Variants in AK9 observed in about 807,000 individuals in gnomAD.
AK9 encodes the protein adenylate kinase 9, also known as adenylate kinase domain containing 1.
A neutral mutation model predicts 239.6 loss-of-function variants in AK9; 191 were observed. The observed-to-expected ratio is 0.80, with a 90% CI of 0.71 to 0.90. The LOEUF is 0.90. Among genes scored for constraint, AK9 ranks in the 40% least tolerant of loss-of-function variants. AK9 has a pLI of 0.00. For missense variants in AK9, 1,995 were observed against 2,214.7 expected (o/e 0.90, Z 1.99); for synonymous variants, 689 against 721.0 (o/e 0.96, Z 0.71).
intron 19 of AK9, 110 bp from the exon 20 acceptor site, chr6:109,579,736 T>C (rs1788580067): frequency 1.4e-5 from 13 of 917,458 alleles, no homozygotes; most frequent in South Asian, 8.9e-5. Flanking sequence ...CTTATTATAC[T>C]TACTTTACAA....
In AK9 at chr6:109,494,110, C is replaced by G. The variant is rs1161647129; in HGVS notation, c.5419-15G>C. 6.3e-7 allele frequency: 1 copy of G among 1,578,342 alleles called. No homozygotes were observed. On this transcript the variant is annotated splice_polypyrimidine_tract_variant and intron_variant, in intron 39 of 40. Coordinates refer to ENST00000424296, the MANE Select transcript of AK9 (RefSeq NM_001145128.3). Reference sequence around the variant, plus strand: ...GTTGCAATACCCTGCAGGGAGGGAACAATTCAAATTCTGTGTATACTTGAG... The same window carrying G: ...GTTGCAATACCCTGCAGGGAGGGAAGAATTCAAATTCTGTGTATACTTGAG...
chr6:109,593,477 C>A (rs536572289), intron 17 of AK9, among the ~76,000 whole-genome samples: 1 of 152,070 alleles, frequency 6.6e-6, no homozygotes, highest in South Asian at 2.1e-4. Flanking sequence ...CTATTCCAAA[C>A]GACAGAAAAA....
At chr6:109,667,208 C>T (rs1326461956) in intron 5 of AK9, among the ~76,000 whole-genome samples, 1 of 151,948 alleles carries the variant, frequency 6.6e-6, no homozygotes, top group South Asian at 2.1e-4. Context: ...TTTGGCAATA[C>T]TCTGCCGTGT....
At chr6:109,537,654 A>G (rs1024676857) in intron 27 of AK9, among the ~76,000 whole-genome samples, 27 of 151,260 alleles carry the variant, frequency 1.8e-4, no homozygotes, top group Non-Finnish European at 3.2e-4. Flanking sequence ...TAGCTTTTCA[A>G]TGTGTTTGCT....
Position 109,559,388 on chromosome 6 carries a change from T to C in AK9, c.2751+4209A>G, listed in dbSNP as rs781104134. On this transcript the variant is annotated intron_variant, in intron 24 of 40. Coordinates refer to ENST00000424296, the MANE Select transcript of AK9 (RefSeq NM_001145128.3). ...TTCACCGTGTTAGCCAGGATGGTCT[T>C]GATCTCCTAACCTCGTGATCTGCCC... Among the ~76,000 whole-genome samples, 23 of 151,784 alleles carry C rather than the reference T, an allele frequency of 1.5e-4. No homozygotes were observed. In the East Asian group the frequency reaches 3.7e-3, roughly 24 times the overall value.
chr6:109,672,258 G>T, intron 3 of AK9, 91 bp from the exon 4 acceptor site: 1 of 1,108,958 alleles, frequency 9.0e-7, no homozygotes. Flanking sequence ...TGGTAACAAA[G>T]ATTAACATTT....
At chr6:109,684,966 A>C (rs1359703552) in intron 1 of AK9, among the ~76,000 whole-genome samples, 1 of 151,408 alleles carries the variant, frequency 6.6e-6, no homozygotes, top group East Asian at 1.9e-4. Context: ...TATGCAGCCA[A>C]CAGACATATG....
rs1357456797 is a variant in AK9, at chr6:109,499,375, TAA to T, written c.4850-137_4850-136del. The T allele has an allele frequency of 8.3e-6, 5 of 601,284 alleles. No homozygotes were observed. The East Asian group carries it at 1.7e-4, about 21-fold the overall frequency. 37.2% of individuals were successfully genotyped at this position (601,284 alleles called of 1,614,324 possible). On this transcript the variant is annotated intron_variant, in intron 35 of 40. Transcript: ENST00000424296. ...AAATTCCAAACAATAGAGTAAAAAG[TAA>T]AAGTTACTATTCACATCTCCATTGT...
At position 109,516,491 on chromosome 6, in the gene AK9, C is replaced by A; in HGVS notation, c.3785G>T (p.Arg1262Leu). ...DEEQETDAIE[R>L]LRGELGEKFE... ...TTTTTCTCCTAGTTCACCTCTCAGGCGCTCAATTGCATCAGTTTCCTGTTC... is the reference window on the plus strand; with the variant it reads ...TTTTTCTCCTAGTTCACCTCTCAGGAGCTCAATTGCATCAGTTTCCTGTTC... Residue 1262 changes from arginine (R) to leucine (L), a missense_variant, in exon 30 of 41, where the codon CGC (arginine) becomes CTC (leucine). This residue lies in a region of AK9 where 1,290 missense variants were observed against 1,392.7 expected (regional missense o/e 0.93). Coordinates refer to ENST00000424296, the MANE Select transcript of AK9 (RefSeq NM_001145128.3). 1.3e-6 allele frequency: 2 copies of A among 1,551,742 alleles called. No homozygotes were observed. Among genetic ancestry groups the A allele is most frequent in the South Asian group, 2.4e-5 (2 of 84,054 alleles).
chr6:109,642,892 G>A (rs1417136959), intron 9 of AK9, among the ~76,000 whole-genome samples: 1 of 152,138 alleles, frequency 6.6e-6, no homozygotes, highest in Admixed American at 6.5e-5. Context: ...TACAAGTGTG[G>A]AATTCAGGGG....
intron 17 of AK9, among the ~76,000 whole-genome samples, chr6:109,597,736 G>T (rs1344745400): frequency 3.9e-5 from 6 of 151,920 alleles, no homozygotes; most frequent in African/African-American, 1.2e-4. Context: ...ATTCAACTGG[G>T]GGGCATAAGG....
At chr6:109,683,089 T>C (rs1772920924) in intron 1 of AK9, among the ~76,000 whole-genome samples, 1 of 152,178 alleles carries the variant, frequency 6.6e-6, no homozygotes, top group Admixed American at 6.5e-5. Flanking sequence ...CAAGGCTGGT[T>C]CAACATATGC....
At chr6:109,644,717 A>G in intron 8 of AK9, 29 bp from the exon 9 acceptor site, 1 of 1,561,446 alleles carries the variant, frequency 6.4e-7, no homozygotes, top group Non-Finnish European at 8.7e-7. Flanking sequence ...AAACTTTATA[A>G]TACAGGATCA....
At chr6:109,689,088 C>T (rs1478973074) in intron 1 of AK9, among the ~76,000 whole-genome samples, 1 of 151,988 alleles carries the variant, frequency 6.6e-6, no homozygotes, top group Non-Finnish European at 1.5e-5. Context: ...AAGTGTTGGC[C>T]AAGAGTAAGG....
At chr6:109,553,574 T>G (rs1310960199) in intron 24 of AK9, among the ~76,000 whole-genome samples, 2 of 152,190 alleles carry the variant, frequency 1.3e-5, no homozygotes, top group African/African-American at 4.8e-5. Context: ...TTTGCTGAAG[T>G]TGCTTATCAG....
At chr6:109,510,029 CATTGATTCCTGGCAG>C (rs1441313099) in intron 32 of AK9, among the ~76,000 whole-genome samples, 3 of 152,034 alleles carry the variant, frequency 2.0e-5, no homozygotes, top group Non-Finnish European at 2.9e-5. Flanking sequence ...CCCCAGGGGC[CATTGATTCCTGGCAG>C]ATTGATTCCT....
chr6:109,551,878 C>T (rs114109008), intron 24 of AK9, among the ~76,000 whole-genome samples: 1,731 of 152,018 alleles, frequency 0.011, 31 homozygotes, highest in African/African-American at 0.039. Flanking sequence ...ACGTTCCTTC[C>T]TCTTAACCCC....
chr6:109,600,013 T>G (rs1340468148), intron 17 of AK9, among the ~76,000 whole-genome samples: 1 of 152,224 alleles, frequency 6.6e-6, no homozygotes, highest in East Asian at 1.9e-4. Flanking sequence ...TACAATCATG[T>G]CATCCACAAA....
chr6:109,641,686 G>A, intron 9 of AK9, 70 bp from the exon 10 acceptor site: 1 of 1,374,202 alleles, frequency 7.3e-7, no homozygotes, highest in Non-Finnish European at 1.0e-6. Flanking sequence ...AACAGTGGTG[G>A]GCTTATGAGC....
Sources: gnomAD v4.1 joint callset for allele counts (sites outside exome capture counted in the v4.1 genomes callset) on GRCh38, gnomAD v4.1.1 for gene constraint, gnomAD v4.1.1 regional missense constraint, MANE v1.5 for transcripts, NCBI Gene and HGNC (gene_info 2026-07-23, HGNC 2026-07-21) for gene names.